TBCK: variants seen among roughly 807,000 people sequenced by gnomAD.
The protein encoded by TBCK is TBC domain-containing protein kinase-like protein.
TBCK carries 99 observed loss-of-function variants against 113.4 expected under a neutral mutation model. The ratio of observed to expected loss-of-function variants is 0.87; its 90% CI spans 0.74 to 1.03. The LOEUF is 1.03. Among genes scored for constraint, TBCK ranks in the 50% least tolerant of loss-of-function variants. The pLI, the probability that TBCK is intolerant of heterozygous loss-of-function variation, is 0.00. For synonymous variants in TBCK, 369 were observed against 370.8 expected, an observed-to-expected ratio of 1.00 and a Z score of 0.05; for missense variants, 1,045 against 1,061.3, an observed-to-expected ratio of 0.98 and a Z score of 0.21.
At chr4:106,120,390 G>T (rs1744165177) in intron 23 of TBCK, among the ~76,000 whole-genome samples, 1 of 152,140 alleles carries the variant, frequency 6.6e-6, no homozygotes, top group Non-Finnish European at 1.5e-5. Flanking sequence ...GGCTGGGGGA[G>T]GGGCGCCCAC....
intron 3 of TBCK, among the ~76,000 whole-genome samples, chr4:106,267,943 C>A (rs527830155): frequency 6.6e-6 from 1 of 152,110 alleles, no homozygotes; most frequent in East Asian, 1.9e-4. Context: ...CACAGGTTTT[C>A]ATCTAACCCC....
intron 4 of TBCK, among the ~76,000 whole-genome samples, chr4:106,261,618 G>C (rs919027372): frequency 6.6e-6 from 1 of 151,982 alleles, no homozygotes; most frequent in African/African-American, 2.4e-5. Flanking sequence ...ATTTCCAGTA[G>C]AGAAACAGCA....
chr4:106,059,261 G>A (rs1220187134), intron 25 of TBCK, among the ~76,000 whole-genome samples: 1 of 151,560 alleles, frequency 6.6e-6, no homozygotes, highest in Non-Finnish European at 1.5e-5. Flanking sequence ...TGTATATACA[G>A]GAACACCTCA....
At chr4:106,215,389 C>G (rs1756753836) in intron 19 of TBCK, among the ~76,000 whole-genome samples, 3 of 151,928 alleles carry the variant, frequency 2.0e-5, no homozygotes, top group Admixed American at 2.0e-4. Flanking sequence ...TGTAAATGGA[C>G]TAAAGGCTCC....
rs371875558 is a variant in TBCK at position 106,308,954 on chromosome 4, G to A, written c.7C>T (p.Pro3Ser). The change falls in exon 2 of 26, where the codon CCC (proline) becomes TCC (serine). Residue 3 changes from proline (P) to serine (S), a missense_variant. Pro to Ser is a moderately conservative substitution (Grantham distance 74, BLOSUM62 -1). Coordinates refer to ENST00000394708, the MANE Select transcript of TBCK (RefSeq NM_001163435.3). The stretch of plus-strand genomic sequence containing the variant: ...GCTCCCATTTCAGCGTCCTTCAGGG[G>A]AAACATTTTTGGAGTCCTAGGTCTT... MF[P>S]LKDAEMGAFT... 6.2e-7 allele frequency: 1 copy of A among 1,613,470 alleles called. No homozygotes were observed. Among genetic ancestry groups the A allele is most frequent in the Non-Finnish European group, 8.5e-7 (1 of 1,179,754 alleles).
At chr4:106,309,011 G>A (rs1561004322) in intron 1 of TBCK, 22 bp from the exon 2 acceptor site, 2 of 1,511,494 alleles carry the variant, frequency 1.3e-6, no homozygotes, top group Admixed American at 4.2e-5. Flanking sequence ...GAGAATTTTA[G>A]GACAGACCAA....
chr4:106,116,037 T>C (rs779470616), intron 24 of TBCK, among the ~76,000 whole-genome samples, 166 bp downstream of exon 24: 2 of 152,188 alleles, frequency 1.3e-5, no homozygotes, highest in Admixed American at 6.5e-5. Context: ...TGTTATCTTA[T>C]AAAACCTTAT....
At chr4:106,125,071 AG>A (rs1745012927) in intron 23 of TBCK, among the ~76,000 whole-genome samples, 1 of 152,164 alleles carries the variant, frequency 6.6e-6, no homozygotes. Flanking sequence ...AAAGGCAAAA[AG>A]CATGGACGTT....
At chr4:106,251,522 CGTA>C (rs755044599) in intron 6 of TBCK, among the ~76,000 whole-genome samples, 10 of 151,520 alleles carry the variant, frequency 6.6e-5, no homozygotes, top group Non-Finnish European at 1.2e-4. Flanking sequence ...CTTCTAAAAA[CGTA>C]GTTTTCATTT....
At chr4:106,203,016 T>C (rs1755061802) in intron 20 of TBCK, among the ~76,000 whole-genome samples, 1 of 151,962 alleles carries the variant, frequency 6.6e-6, no homozygotes, top group South Asian at 2.1e-4. Context: ...TTATTCTAAT[T>C]TGTGTTCATA....
At chr4:106,216,678 A>G (rs566329625) in intron 19 of TBCK, among the ~76,000 whole-genome samples, 1 of 152,216 alleles carries the variant, frequency 6.6e-6, no homozygotes, top group Admixed American at 6.5e-5. Context: ...AAGAAGTTCA[A>G]TCTCTGAATA....
At chr4:106,268,571 C>T (rs1419255368) in intron 3 of TBCK, among the ~76,000 whole-genome samples, 1 of 152,026 alleles carries the variant, frequency 6.6e-6, no homozygotes, top group Non-Finnish European at 1.5e-5. Context: ...CAAGAAAACA[C>T]AAGATGCTCA....
chr4:106,220,905 A>G (rs1322286409), intron 19 of TBCK, among the ~76,000 whole-genome samples: 2 of 152,198 alleles, frequency 1.3e-5, no homozygotes, highest in African/African-American at 4.8e-5. Flanking sequence ...GACATCAACA[A>G]TTACAAGCAT....
upstream of TBCK, chr4:106,316,587 C>T (rs1163186197): frequency 3.2e-6 from 5 of 1,551,310 alleles, no homozygotes; most frequent in African/African-American, 1.4e-5. Flanking sequence ...CGTGGTCCTC[C>T]GCTTCATGTG....
At chr4:106,239,608 C>T (rs1028011732) in intron 12 of TBCK, among the ~76,000 whole-genome samples, 7 of 151,854 alleles carry the variant, frequency 4.6e-5, no homozygotes, top group African/African-American at 1.5e-4. Flanking sequence ...ATGGAAGCAC[C>T]GGAAGAGTGT....
chr4:106,304,891 C>T (rs756029312), intron 2 of TBCK, among the ~76,000 whole-genome samples: 12 of 152,086 alleles, frequency 7.9e-5, no homozygotes, highest in Non-Finnish European at 1.3e-4. Flanking sequence ...TCTTATTTAC[C>T]ATGCATTTCT....
chr4:106,119,973 C>G (rs930727796), intron 23 of TBCK, among the ~76,000 whole-genome samples: 2 of 152,090 alleles, frequency 1.3e-5, no homozygotes, highest in Admixed American at 6.6e-5. Flanking sequence ...CCAAGATGGC[C>G]GAATAGGAAC....
chr4:106,145,760 C>T (rs1478985263), intron 23 of TBCK, among the ~76,000 whole-genome samples: 3 of 152,002 alleles, frequency 2.0e-5, no homozygotes, highest in Non-Finnish European at 1.5e-5. Flanking sequence ...TTTTTCAAAA[C>T]AAGACACATA....
intron 22 of TBCK, among the ~76,000 whole-genome samples, chr4:106,187,561 C>A (rs761546972): frequency 6.6e-6 from 1 of 151,992 alleles, no homozygotes; most frequent in Non-Finnish European, 1.5e-5. Context: ...GAATTACAGG[C>A]GCATGCCACC....
Sources: allele counts gnomAD v4.1 joint callset (sites outside exome capture counted in the v4.1 genomes callset), GRCh38; gene constraint gnomAD v4.1.1; transcripts MANE v1.5; gene names NCBI Gene and HGNC (gene_info 2026-07-23, HGNC 2026-07-21).